The following RNF130 variants were observed in gnomAD, a reference collection of about 807,000 sequenced individuals.
RNF130 encodes E3 ubiquitin-protein ligase RNF130.
In RNF130, 21 loss-of-function variants were observed where a neutral mutation model predicts 44.6. That is an observed-to-expected ratio of 0.47 (90% CI 0.33 to 0.68). The LOEUF is 0.68. RNF130 is among the 30% of genes least tolerant of loss of function. The pLI is 0.02. For synonymous variants in RNF130, 214 were observed against 210.4 expected, an observed-to-expected ratio of 1.02 and a Z score of -0.15; for missense variants, 479 against 560.6, an observed-to-expected ratio of 0.85 and a Z score of 1.47.
exon 8 of RNF130, chr5:179,920,194 T>C: frequency 6.7e-6 from 4 of 595,842 alleles, no homozygotes; most frequent in Non-Finnish European, 9.1e-6. Flanking sequence ...AACCCCAACC[T>C]GTGCTTGGAA....
chr5:179,943,266 C>CTA (rs1055054999), intron 7 of RNF130, among the ~76,000 whole-genome samples: 45 of 152,284 alleles, frequency 3.0e-4, no homozygotes, highest in African/African-American at 1.1e-3. Flanking sequence ...GGTTTTATGA[C>CTA]TGTGTGGGAG....
chr5:179,932,334 T>C (rs968232589), intron 7 of RNF130, among the ~76,000 whole-genome samples: 1 of 152,050 alleles, frequency 6.6e-6, no homozygotes, highest in South Asian at 2.1e-4. Flanking sequence ...CTCAGCTCAC[T>C]GAAACCTCCA....
intron 1 of RNF130, among the ~76,000 whole-genome samples, chr5:180,041,204 A>T (rs972746931): frequency 6.6e-6 from 1 of 152,262 alleles, no homozygotes; most frequent in African/African-American, 2.4e-5. Flanking sequence ...AGGAAAATTT[A>T]AAAGTTTGGT....
chr5:179,929,832 T>G (rs1235553202), intron 7 of RNF130, among the ~76,000 whole-genome samples: 1 of 152,140 alleles, frequency 6.6e-6, no homozygotes, highest in Non-Finnish European at 1.5e-5. Flanking sequence ...GAAATCACAG[T>G]AAGTCTATAA....
intron 2 of RNF130, among the ~76,000 whole-genome samples, chr5:180,034,712 G>C (rs535036048): frequency 3.9e-5 from 6 of 152,304 alleles, no homozygotes; most frequent in African/African-American, 7.2e-5. Flanking sequence ...GGGAACATGG[G>C]TTTGGGGAGG....
At chr5:180,057,628 G>C (rs2113173297) in intron 1 of RNF130, among the ~76,000 whole-genome samples, 1 of 152,232 alleles carries the variant, frequency 6.6e-6, no homozygotes, top group South Asian at 2.1e-4. Context: ...CTTTGGGCTA[G>C]GCGTATGCCA....
intron 2 of RNF130, among the ~76,000 whole-genome samples, chr5:180,029,788 G>T (rs1282572493): frequency 2.0e-5 from 3 of 151,192 alleles, no homozygotes; most frequent in Non-Finnish European, 4.4e-5. Context: ...GCTACACCCT[G>T]CTTAGGCCTC....
intron 1 of RNF130, among the ~76,000 whole-genome samples, chr5:180,055,471 C>T (rs941535817): frequency 4.0e-5 from 6 of 150,208 alleles, no homozygotes; most frequent in African/African-American, 7.3e-5. Flanking sequence ...TGTGTGTGTG[C>T]GCGCGCGCAC....
chr5:179,993,914 G>A (rs1056760619), intron 3 of RNF130, among the ~76,000 whole-genome samples: 5 of 152,188 alleles, frequency 3.3e-5, no homozygotes, highest in African/African-American at 1.2e-4. Flanking sequence ...AAGGTGTAAG[G>A]AAGGGATCCA....
intron 3 of RNF130, among the ~76,000 whole-genome samples, chr5:179,990,127 C>T (rs1308136860): frequency 2.0e-5 from 3 of 152,174 alleles, no homozygotes; most frequent in East Asian, 1.9e-4. Flanking sequence ...TAGCTGGGCC[C>T]GGGGGACCAC....
At chr5:179,947,866 T>C (rs1328759524) in intron 7 of RNF130, among the ~76,000 whole-genome samples, 1 of 152,198 alleles carries the variant, frequency 6.6e-6, no homozygotes, top group African/African-American at 2.4e-5. Context: ...ACATACAGTA[T>C]ATCTATATAC....
chr5:179,974,398 G>T (rs1308787828), intron 5 of RNF130, among the ~76,000 whole-genome samples: 1 of 152,200 alleles, frequency 6.6e-6, no homozygotes, highest in East Asian at 1.9e-4. Context: ...AGACCTGCTG[G>T]CTAACATCCA....
At chr5:179,951,924 TTATAGC>T (rs1762132135), downstream of RNF130, among the ~76,000 whole-genome samples, 1 of 152,050 alleles carries the variant, frequency 6.6e-6, no homozygotes, top group Admixed American at 6.5e-5. Context: ...AGAGGGAAAT[TTATAGC>T]TATAAACAAC....
intron 7 of RNF130, chr5:179,939,315 C>T (rs1167559969): frequency 6.4e-6 from 1 of 155,490 alleles, no homozygotes; most frequent in African/African-American, 2.4e-5. Flanking sequence ...TAACAATAAA[C>T]TCAAAAGTTT....
At chr5:180,066,130 T>C (rs1160616069) in intron 1 of RNF130, among the ~76,000 whole-genome samples, 1 of 152,242 alleles carries the variant, frequency 6.6e-6, no homozygotes, top group Non-Finnish European at 1.5e-5. Flanking sequence ...AATCTCATTT[T>C]GAATTGTACT....
At chr5:180,070,748 T>C (rs4700859) in intron 1 of RNF130, among the ~76,000 whole-genome samples, 104,354 of 152,112 alleles carry the variant, frequency 0.69, 37,011 homozygotes, top group South Asian at 0.91. Flanking sequence ...CTAAACAAAG[T>C]CCTTGTTCAT....
intron 2 of RNF130, among the ~76,000 whole-genome samples, chr5:180,021,280 G>A (rs958126680): frequency 6.6e-6 from 1 of 152,102 alleles, no homozygotes; most frequent in Admixed American, 6.5e-5. Flanking sequence ...GAGCCACTGC[G>A]CCTGGCCAAA....
chr5:179,985,055 C>T (rs1245231150), intron 3 of RNF130, among the ~76,000 whole-genome samples: 1 of 151,662 alleles, frequency 6.6e-6, no homozygotes, highest in Non-Finnish European at 1.5e-5. Context: ...CACCCATTTC[C>T]ATCAAGTCAT....
chr5:179,967,391 T>C (rs773315694), intron 6 of RNF130, among the ~76,000 whole-genome samples: 57 of 152,212 alleles, frequency 3.7e-4, no homozygotes, highest in Non-Finnish European at 1.3e-4. Context: ...TCCCAGGTAA[T>C]AGAAAACACC....
Sources: gnomAD v4.1 joint callset for allele counts (sites outside exome capture counted in the v4.1 genomes callset) on GRCh38, gnomAD v4.1.1 for gene constraint, MANE v1.5 for transcripts, NCBI Gene and HGNC (gene_info 2026-07-23, HGNC 2026-07-21) for gene names.